PSMB2: variants seen among roughly 807,000 people sequenced by gnomAD.
PSMB2 encodes the protein proteasome 20S subunit beta 2.
A neutral mutation model predicts 25.7 loss-of-function variants in PSMB2; 13 were observed. The ratio of observed to expected loss-of-function variants is 0.51; its 90% confidence interval spans 0.33 to 0.80. The LOEUF is 0.80. Ranked by LOEUF, PSMB2 falls within the 30% of genes least tolerant of loss-of-function variation. PSMB2 has a pLI of 0.02. For missense variants in PSMB2, 202 were observed against 259.0 expected (o/e 0.78, Z 1.51); for synonymous variants, 87 against 96.2 (o/e 0.90, Z 0.56).
intron 4 of PSMB2, among the ~76,000 whole-genome samples, chr1:35,605,519 A>C (rs1650141000): frequency 6.6e-6 from 1 of 152,256 alleles, no homozygotes; most frequent in Admixed American, 6.5e-5. Context: ...GCTACAGTAA[A>C]GGGTGAGCAT....
chr1:35,626,895 C>A (rs1256374270), intron 3 of PSMB2, among the ~76,000 whole-genome samples: 2 of 151,968 alleles, frequency 1.3e-5, no homozygotes, highest in Non-Finnish European at 2.9e-5. Flanking sequence ...GACTGAGGAA[C>A]AGAATTTTTT....
At chr1:35,640,412 C>T (rs1651361446) in intron 1 of PSMB2, among the ~76,000 whole-genome samples, 1 of 152,144 alleles carries the variant, frequency 6.6e-6, no homozygotes, top group Admixed American at 6.5e-5. Context: ...ATAACTTATA[C>T]AAACTCATAA....
At chr1:35,621,943 C>A (rs1571132499) in intron 3 of PSMB2, among the ~76,000 whole-genome samples, 1 of 152,044 alleles carries the variant, frequency 6.6e-6, no homozygotes, top group African/African-American at 2.4e-5. Context: ...ATGCAGTGAG[C>A]CTAGACAGCA....
At chr1:35,638,241 T>C (rs1367088631) in intron 1 of PSMB2, among the ~76,000 whole-genome samples, 1 of 151,966 alleles carries the variant, frequency 6.6e-6, no homozygotes, top group Non-Finnish European at 1.5e-5. Flanking sequence ...ACACAAGAGA[T>C]AGATACTTAG....
At chr1:35,623,506 G>T (rs1012301535) in intron 3 of PSMB2, among the ~76,000 whole-genome samples, 3 of 152,182 alleles carry the variant, frequency 2.0e-5, no homozygotes, top group African/African-American at 7.2e-5. Flanking sequence ...AAGTAAGCTG[G>T]CTCTGTCTGT....
At chr1:35,611,042 A>G (rs1193905551) in intron 3 of PSMB2, among the ~76,000 whole-genome samples, 3 of 151,794 alleles carry the variant, frequency 2.0e-5, no homozygotes, top group Non-Finnish European at 4.4e-5. Flanking sequence ...CAGTCTGTCT[A>G]TGCCCCCAGG....
At chr1:35,637,854 A>G (rs778785124) in intron 1 of PSMB2, among the ~76,000 whole-genome samples, 2 of 152,212 alleles carry the variant, frequency 1.3e-5, no homozygotes, top group Non-Finnish European at 2.9e-5. Flanking sequence ...AACGAAAAAC[A>G]TTCACTTATA....
chr1:35,605,363 T>G, intron 4 of PSMB2, 81 bp from the exon 5 acceptor site: 4 of 1,418,704 alleles, frequency 2.8e-6, no homozygotes, highest in Non-Finnish European at 3.0e-6. Context: ...AAGTTCCAAA[T>G]CTGGCTTCTT....
chr1:35,620,743 A>T (rs1571131466), intron 3 of PSMB2, among the ~76,000 whole-genome samples: 2 of 150,736 alleles, frequency 1.3e-5, no homozygotes, highest in South Asian at 4.2e-4. Flanking sequence ...AAACAAAAAA[A>T]CCCCTCTGCC....
intron 3 of PSMB2, among the ~76,000 whole-genome samples, chr1:35,610,773 C>T (rs1185120931): frequency 2.0e-5 from 3 of 152,166 alleles, no homozygotes; most frequent in Admixed American, 1.3e-4. Context: ...GGATTACAGG[C>T]GTGAGCCACT....
At chr1:35,631,635 T>C (rs1651099420) in intron 2 of PSMB2, 1 of 464,336 alleles carries the variant, frequency 2.2e-6, no homozygotes, top group Non-Finnish European at 3.1e-6. Flanking sequence ...CACTGTGGTT[T>C]CTGCCGTAGA....
intron 5 of PSMB2, among the ~76,000 whole-genome samples, chr1:35,604,169 A>T (rs957693506): frequency 2.0e-5 from 3 of 152,166 alleles, no homozygotes; most frequent in African/African-American, 7.2e-5. Flanking sequence ...GGTCAAGTTC[A>T]TCCTTAAGCC....
In PSMB2 at chr1:35,599,892, G is replaced by A; in HGVS notation, c.*3375C>T. The stretch of plus-strand genomic sequence containing the variant: ...TCACATCTGTAATCCCAGTGCTTTG[G>A]CAGACCAAGGTGGGAGGATCACTTG... On this transcript the variant is annotated 3_prime_UTR_variant, in exon 6 of 6. Coordinates refer to ENST00000373237, the MANE Select transcript of PSMB2 (RefSeq NM_002794.5). The A allele has an allele frequency of 1.1e-6, 1 of 951,794 alleles. No homozygotes were observed. Among genetic ancestry groups the A allele is most frequent in the Non-Finnish European group, 1.3e-6 (1 of 799,264 alleles). The allele number at this position is 951,794 out of a possible 1,614,324, so 59.0% of individuals were successfully genotyped here.
intron 3 of PSMB2, among the ~76,000 whole-genome samples, chr1:35,615,342 CTTTGGACTCTTCTACA>C: frequency 6.6e-6 from 1 of 152,218 alleles, no homozygotes; most frequent in East Asian, 1.9e-4. Context: ...CTCAGTGCCA[CTTTGGACTCTTCTACA>C]TTTGGGGGTG....
At position 35,628,632 on chromosome 1, in the gene PSMB2, T is replaced by A. The variant is rs1014313798; in HGVS notation, c.285+2642A>T. On this transcript the variant is annotated intron_variant, in intron 3 of 5. Coordinates refer to ENST00000373237, the MANE Select transcript of PSMB2 (RefSeq NM_002794.5). ...ATATATATATATATATATATATATATTTTTTTTTTTTTTTTTAAAGAAAAG... is the reference window on the plus strand; with the variant it reads ...ATATATATATATATATATATATATAATTTTTTTTTTTTTTTTAAAGAAAAG... Among the ~76,000 whole-genome samples the A allele has an allele frequency of 1.3e-3, 47 of 35,494 alleles. 2 individuals carry two copies. The highest frequency in any genetic ancestry group is 4.6e-3 in the African/African-American group (46 of 9,998). The allele number at this position is 35,494 out of a possible 152,430, so 23.3% of individuals were successfully genotyped here. A position where few individuals can be genotyped will look rare whatever the true frequency, so the allele number is the denominator to read the frequency against.
chr1:35,599,785 G>GTTTA lies in PSMB2; in HGVS notation c.*3481_*3482insTAAA. 6 of 984,272 alleles carry GTTTA rather than the reference G, an allele frequency of 6.1e-6. No individual in the cohort carries two copies. The highest frequency in any genetic ancestry group is 7.2e-6 in the Non-Finnish European group (6 of 828,872). The allele number at this position is 984,272 out of a possible 1,614,324, so 61.0% of individuals were successfully genotyped here. A position where few individuals can be genotyped will look rare whatever the true frequency, so the allele number is the denominator to read the frequency against. ...AAAAGTAGAGTGAAGTTAGGAGGCT[G>GTTTA]TTAAATAGTCTAAGAAACGATAGGG... On this transcript the variant is annotated 3_prime_UTR_variant, in exon 6 of 6. Coordinates refer to ENST00000373237, the MANE Select transcript of PSMB2 (RefSeq NM_002794.5).
At position 35,609,405 on chromosome 1, in the gene PSMB2, G is replaced by C; in HGVS notation, c.289C>G (p.Pro97Ala). ...GCCAGGAGGAGGTTCACATGATATGGGGTCTGCAAAGAAAAGATATGGCAA... is the reference window on the plus strand; with the variant it reads ...GCCAGGAGGAGGTTCACATGATATGCGGTCTGCAAAGAAAAGATATGGCAA... ...NLADCLRSRTPYHVNLLLAGY... is the reference protein window; with the variant it reads ...NLADCLRSRTAYHVNLLLAGY... The change falls in exon 4 of 6, where the codon CCA (proline) becomes GCA (alanine). Residue 97 changes from proline (P) to alanine (A), a missense_variant. By Grantham distance (27) the Pro-to-Ala change is conservative. Coordinates refer to ENST00000373237, the MANE Select transcript of PSMB2 (RefSeq NM_002794.5). The C allele has an allele frequency of 3.9e-6, 6 of 1,524,676 alleles. No individual in the cohort carries two copies. Among genetic ancestry groups the C allele is most frequent in the Middle Eastern group, 1.8e-4 (1 of 5,516 alleles). The allele number at this position is 1,524,676 out of a possible 1,614,324, so 94.4% of individuals were successfully genotyped here. A position where few individuals can be genotyped will look rare whatever the true frequency, so the allele number is the denominator to read the frequency against.
chr1:35,609,331 C>A lies in PSMB2; in HGVS notation c.363G>T (p.Leu121=), dbSNP rs1356937894. The change falls in exon 4 of 6, where the codon CTG becomes CTT. Residue 121 remains leucine (L), a synonymous_variant. Coordinates refer to ENST00000373237, the MANE Select transcript of PSMB2 (RefSeq NM_002794.5). ...CAAAAGGGGCCTTGGCCAAGGCTGC[C>A]AGGTAGTCCATGTAATACAGCGCTG... ...EGPALYYMDY[L]AALAKAPFAA... is the part of the protein sequence containing the mutation. The A allele has an allele frequency of 4.3e-6, 7 of 1,613,284 alleles. No individual in the cohort carries two copies. In the Admixed American group the frequency reaches 5.0e-5, roughly 12 times the overall value.
chr1:35,610,498 T>C (rs1650297813), intron 3 of PSMB2, among the ~76,000 whole-genome samples: 1 of 152,076 alleles, frequency 6.6e-6, no homozygotes, highest in South Asian at 2.1e-4. Flanking sequence ...TTTGTTGTTG[T>C]TTTTTTGTTT....
Sources: gnomAD v4.1 joint callset for allele counts (sites outside exome capture counted in the v4.1 genomes callset) on GRCh38, gnomAD v4.1.1 for gene constraint, MANE v1.5 for transcripts, NCBI Gene and HGNC (gene_info 2026-07-23, HGNC 2026-07-21) for gene names.